ERICH1: variants seen among roughly 807,000 people sequenced by gnomAD.
ERICH1 encodes glutamate-rich protein 1.
Under a neutral mutation model 39.6 loss-of-function variants are expected in ERICH1, and 56 were observed. That is an observed-to-expected ratio of 1.41 (90% CI 1.14 to 1.77). ERICH1 has a LOEUF of 1.77. Ranked by LOEUF, ERICH1 falls within the 40% of genes most tolerant of loss-of-function variation. The pLI, the probability that ERICH1 is intolerant of heterozygous loss-of-function variation, is 0.00. For missense variants in ERICH1, 826 were observed against 575.4 expected (o/e 1.44, Z -4.45); for synonymous variants, 313 against 223.6 (o/e 1.40, Z -3.57).
chr8:616,583 T>A (rs1439468013), intron 3 of ERICH1: 9 of 453,888 alleles, frequency 2.0e-5, no homozygotes, highest in Non-Finnish European at 1.3e-5. Flanking sequence ...AAGTCAGGGC[T>A]GGAGAGAGAC....
chr8:715,000 G>C (rs115956867), intron 2 of ERICH1, among the ~76,000 whole-genome samples: 268 of 151,482 alleles, frequency 1.8e-3, no homozygotes, highest in African/African-American at 6.2e-3. Context: ...GTCTATTCTC[G>C]TGTCTCTTGG....
chr8:624,482 G>C (rs973339273), intron 3 of ERICH1, among the ~76,000 whole-genome samples: 2 of 152,218 alleles, frequency 1.3e-5, no homozygotes, highest in Non-Finnish European at 1.5e-5. Flanking sequence ...AGCACAGTCT[G>C]TATCAGTCCT....
chr8:656,337 C>T (rs1800662364), intron 3 of ERICH1, among the ~76,000 whole-genome samples: 1 of 152,200 alleles, frequency 6.6e-6, no homozygotes, highest in African/African-American at 2.4e-5. Context: ...CTTCGGGACT[C>T]TCCCCTTCCC....
At chr8:702,021 G>A (rs1381744809) in intron 2 of ERICH1, among the ~76,000 whole-genome samples, 1 of 141,146 alleles carries the variant, frequency 7.1e-6, no homozygotes, top group Non-Finnish European at 1.5e-5. Context: ...AGCTTGCAGT[G>A]AGCCAAGATT....
chr8:678,596 T>G (rs900256976), intron 3 of ERICH1, among the ~76,000 whole-genome samples: 1 of 152,060 alleles, frequency 6.6e-6, no homozygotes, highest in Non-Finnish European at 1.5e-5. Flanking sequence ...GATCACGAGG[T>G]CAGGAGATTG....
In ERICH1 at chr8:634,177, A is replaced by AC. The variant is rs1485698783; in HGVS notation, c.977-18894_977-18893insG. On this transcript the variant is annotated intron_variant, in intron 3 of 3. Coordinates refer to the ERICH1 transcript ENST00000522706. ...GAGAACTCCTAAAACTCAAAAAAAA[A>AC]AAAAAAAAACAAACAAAAAAAACCC... Among the ~76,000 whole-genome samples the AC allele has an allele frequency of 1.6e-3, 227 of 139,964 alleles. 6 individuals carry two copies. Among genetic ancestry groups the AC allele is most frequent in the South Asian group, 0.013 (54 of 4,310 alleles). The allele number at this position is 139,964 out of a possible 152,430, so 91.8% of individuals were successfully genotyped here. A position where few individuals can be genotyped will look rare whatever the true frequency, so the allele number is the denominator to read the frequency against.
chr8:729,445 T>C (rs1819513589), intron 1 of ERICH1, among the ~76,000 whole-genome samples: 1 of 152,198 alleles, frequency 6.6e-6, no homozygotes, highest in South Asian at 2.1e-4. Flanking sequence ...AGAAGGGAAA[T>C]GCTCTGAAGA....
intron 1 of ERICH1, among the ~76,000 whole-genome samples, chr8:729,163 C>T (rs1305663956): frequency 6.6e-6 from 1 of 152,196 alleles, no homozygotes; most frequent in East Asian, 1.9e-4. Flanking sequence ...GGGGCTCTGC[C>T]ACACTCAGCA....
intron 3 of ERICH1, among the ~76,000 whole-genome samples, chr8:627,594 G>A (rs374427457): frequency 3.6e-4 from 55 of 152,334 alleles, no homozygotes; most frequent in African/African-American, 1.3e-3. Context: ...CTCTCCAGCC[G>A]CAGGCCAAGC....
intron 2 of ERICH1, among the ~76,000 whole-genome samples, chr8:706,578 A>G (rs1813325570): frequency 6.6e-6 from 1 of 152,192 alleles, no homozygotes. Flanking sequence ...GTTCGAGACC[A>G]GCCTGACGAA....
chr8:689,688 T>C (rs1355615566), intron 3 of ERICH1, among the ~76,000 whole-genome samples: 3 of 152,178 alleles, frequency 2.0e-5, no homozygotes, highest in Non-Finnish European at 2.9e-5. Context: ...CACCGTGGCA[T>C]AGGGACACAC....
chr8:717,176 G>A (rs1381782971), intron 1 of ERICH1, among the ~76,000 whole-genome samples: 2 of 152,184 alleles, frequency 1.3e-5, no homozygotes, highest in Admixed American at 6.5e-5. Context: ...GGGAGGAAAC[G>A]ACCTCTGGTT....
intron 3 of ERICH1, among the ~76,000 whole-genome samples, chr8:631,081 T>C (rs1006297706): frequency 6.6e-6 from 1 of 152,008 alleles, no homozygotes; most frequent in South Asian, 2.1e-4. Flanking sequence ...TACCCTCCCA[T>C]GAGCAACCAT....
At chr8:693,082 ACAGACACACATG>A (rs144519322) in intron 2 of ERICH1, among the ~76,000 whole-genome samples, 28,005 of 151,894 alleles carry the variant, frequency 0.18, 3,431 homozygotes, top group East Asian at 0.44. Flanking sequence ...CACACACACA[ACAGACACACATG>A]CAGACACACA....
At position 674,002 on chromosome 8, in the gene ERICH1, T is replaced by C; in HGVS notation, c.350A>G (p.His117Arg). Residue 117 changes from histidine (H) to arginine (R), a missense_variant, in exon 4 of 6, where the codon CAT (histidine) becomes CGT (arginine). Transcript: ENST00000262109. Reference sequence around the variant, plus strand: ...ATTTTTAAATTTTTTCTTTGATTTATGCTTCCTAATTCTTCTTCTCTTTGG... The same window carrying C: ...ATTTTTAAATTTTTTCTTTGATTTACGCTTCCTAATTCTTCTTCTCTTTGG... ...DQPKRRRIRK[H>R]KSKKKFKNPN... 2 of 1,580,966 alleles carry C rather than the reference T, an allele frequency of 1.3e-6. No homozygotes were observed. The highest frequency in any genetic ancestry group is 1.7e-6 in the Non-Finnish European group (2 of 1,173,750).
intron 3 of ERICH1, chr8:626,986 C>T: frequency 2.5e-6 from 1 of 396,960 alleles, no homozygotes; most frequent in Non-Finnish European, 5.2e-6. Context: ...GAAAGCACAG[C>T]TTGGCCTGGT....
In ERICH1 at chr8:618,763, C is replaced by A. The variant is rs928996864; in HGVS notation, c.977-3479G>T. Reference sequence around the variant, plus strand: ...AAACCTGGTGTCGTGGACTACCCTGCTATGTGTAATCTTAATGCAAGAGTA... The same window carrying A: ...AAACCTGGTGTCGTGGACTACCCTGATATGTGTAATCTTAATGCAAGAGTA... On this transcript the variant is annotated intron_variant, in intron 3 of 3. Transcript: ENST00000522706. Among the ~76,000 whole-genome samples the A allele has an allele frequency of 4.3e-4, 65 of 152,196 alleles. 1 individual carries two copies. Among genetic ancestry groups the A allele is most frequent in the African/African-American group, 4.8e-5 (2 of 41,512 alleles).
At chr8:652,932 T>C (rs987976006) in intron 3 of ERICH1, among the ~76,000 whole-genome samples, 3 of 152,186 alleles carry the variant, frequency 2.0e-5, no homozygotes, top group Non-Finnish European at 2.9e-5. Flanking sequence ...TTATCATATA[T>C]TTTTACAAAC....
intron 1 of ERICH1, among the ~76,000 whole-genome samples, chr8:728,817 G>C (rs552537183): frequency 3.3e-5 from 5 of 152,236 alleles, no homozygotes; most frequent in African/African-American, 9.6e-5. Flanking sequence ...CTGCTTCAAA[G>C]GCAATACATT....
Sources: allele counts gnomAD v4.1 joint callset (sites outside exome capture counted in the v4.1 genomes callset), GRCh38; gene constraint gnomAD v4.1.1; transcripts MANE v1.5; gene names NCBI Gene and HGNC (gene_info 2026-07-23, HGNC 2026-07-21).